Variants in ZGRF1 observed in about 807,000 individuals in gnomAD.
ZGRF1 encodes zinc finger GRF-type containing 1, also known as 5'-3' DNA helicase ZGRF1.
A neutral mutation model predicts 203.5 loss-of-function variants in ZGRF1; 196 were observed. The observed-to-expected ratio is 0.96, with a 90% CI of 0.86 to 1.08. The LOEUF is 1.08. Ranked by LOEUF, ZGRF1 falls within the 50% of genes least tolerant of loss-of-function variation. The probability of loss-of-function intolerance (pLI) is 0.00; values close to 1 mark genes in which losing one functional copy is unlikely to be tolerated. For synonymous variants in ZGRF1, 809 were observed against 841.3 expected, an observed-to-expected ratio of 0.96 and a Z score of 0.66; for missense variants, 2,326 against 2,416.3, an observed-to-expected ratio of 0.96 and a Z score of 0.78.
chr4:112,571,023 G>A (rs950416962), intron 16 of ZGRF1, among the ~76,000 whole-genome samples: 1 of 151,072 alleles, frequency 6.6e-6, no homozygotes, highest in Non-Finnish European at 1.5e-5. Context: ...AGAATCACTT[G>A]AACCCAGGAG....
rs761310972 is a variant in ZGRF1 at position 112,560,916 on chromosome 4, T to C, written c.4777A>G (p.Lys1593Glu). 5.6e-6 allele frequency: 9 copies of C among 1,613,242 alleles called. No homozygotes were observed. The highest frequency in any genetic ancestry group is 7.6e-6 in the Non-Finnish European group (9 of 1,179,510). Residue 1593 changes from lysine (K) to glutamate (E), a missense_variant, in exon 19 of 28, where the codon AAA becomes GAA. Lys to Glu is a moderately conservative substitution (Grantham distance 56). Transcript: ENST00000505019. ...GCTCCTAGGCTGAGTAGTTCAAATT[T>C]TGTACTGACATTTGTGAAGGCTGGT... Reference protein sequence around the residue: ...IPPAFTNVSTKFELLSLGATL... With the variant: ...IPPAFTNVSTEFELLSLGATL...
At chr4:112,571,426 A>C (rs190146401) in intron 16 of ZGRF1, among the ~76,000 whole-genome samples, 2 of 152,358 alleles carry the variant, frequency 1.3e-5, no homozygotes, top group East Asian at 3.9e-4. Context: ...GTATCAGAGA[A>C]TATGAATAAA....
chr4:112,586,422 C>T (rs756553069), intron 13 of ZGRF1, 23 bp downstream of exon 13: 2 of 1,558,954 alleles, frequency 1.3e-6, no homozygotes, highest in Non-Finnish European at 1.7e-6. Context: ...AATCATGATA[C>T]AATAAAAACA....
At chr4:112,578,731 A>T (rs1745681762) in intron 16 of ZGRF1, among the ~76,000 whole-genome samples, 1 of 123,262 alleles carries the variant, frequency 8.1e-6, no homozygotes, top group Non-Finnish European at 1.8e-5. Flanking sequence ...GAAGAAGTTG[A>T]ATCTCTGAAT....
chr4:112,622,571 A>G (rs1238234772), intron 4 of ZGRF1, among the ~76,000 whole-genome samples: 1 of 150,724 alleles, frequency 6.6e-6, no homozygotes, highest in East Asian at 1.9e-4. Flanking sequence ...ACTGCTAGGC[A>G]CTTTACAGAA....
intron 10 of ZGRF1, among the ~76,000 whole-genome samples, chr4:112,600,206 A>AT (rs1240625384): frequency 2.0e-5 from 3 of 151,702 alleles, no homozygotes; most frequent in African/African-American, 7.3e-5. Flanking sequence ...TAATTTTTAA[A>AT]TTTTTTTTGT....
intron 10 of ZGRF1, among the ~76,000 whole-genome samples, chr4:112,590,223 C>T (rs1239663056): frequency 6.6e-6 from 1 of 152,138 alleles, no homozygotes; most frequent in Admixed American, 6.5e-5. Flanking sequence ...CTGTGAAGGT[C>T]TAAATCCCTG....
At chr4:112,576,823 G>C (rs1334850276) in intron 16 of ZGRF1, among the ~76,000 whole-genome samples, 1 of 152,060 alleles carries the variant, frequency 6.6e-6, no homozygotes, top group Non-Finnish European at 1.5e-5. Flanking sequence ...GAAAGTGACA[G>C]GGAGAATGGA....
intron 10 of ZGRF1, among the ~76,000 whole-genome samples, chr4:112,598,403 G>A (rs1185997630): frequency 7.2e-5 from 11 of 152,060 alleles, no homozygotes; most frequent in Non-Finnish European, 1.6e-4. Flanking sequence ...TGTAATCATA[G>A]TATACCAATT....
chr4:112,620,088 C>G lies in ZGRF1; in HGVS notation c.265G>C (p.Glu89Gln). ...IGIVKQNVNK[E>Q]APELNSRTFI... ...GTCCTTGAATTTAACTCTGGTGCTT[C>G]TTTATTGACATTCTGCTTAACAATA... Residue 89 changes from glutamate to glutamine, a missense_variant, in exon 5 of 28, where the codon GAA (glutamate) becomes CAA (glutamine). Physicochemically the swap from Glu to Gln is conservative, Grantham distance 29. Transcript: ENST00000505019. 1 of 1,613,450 alleles carries G rather than the reference C, an allele frequency of 6.2e-7. No individual in the cohort carries two copies.
At position 112,540,921 on chromosome 4, in the gene ZGRF1, T is replaced by G. The variant is rs774699559; in HGVS notation, c.5810A>C (p.Glu1937Ala). 6.3e-7 allele frequency: 1 copy of G among 1,577,302 alleles called. No homozygotes were observed. Among genetic ancestry groups the G allele is most frequent in the Non-Finnish European group, 8.6e-7 (1 of 1,159,672 alleles). Residue 1937 changes from glutamate to alanine, a missense_variant, in exon 26 of 28, where the codon GAA becomes GCA. Coordinates refer to ENST00000505019, the MANE Select transcript of ZGRF1 (RefSeq NM_018392.5). ...ERDNSFHNVA[E>A]ATFTLKLIQS... is the part of the protein sequence containing the mutation. ...AATCAGCTTGAGTGTAAACGTAGCT[T>G]CTGCCACATTATGAAAGCTGTTATC...
intron 16 of ZGRF1, among the ~76,000 whole-genome samples, chr4:112,572,309 C>T (rs923331640): frequency 6.6e-6 from 1 of 152,116 alleles, no homozygotes; most frequent in African/African-American, 2.4e-5. Flanking sequence ...AGAAAAAACA[C>T]CCTATTCAAC....
chr4:112,554,545 T>C (rs1740597613), intron 21 of ZGRF1, among the ~76,000 whole-genome samples, 160 bp downstream of exon 21: 1 of 152,168 alleles, frequency 6.6e-6, no homozygotes, highest in Non-Finnish European at 1.5e-5. Flanking sequence ...TGGATGAAGC[T>C]GGAAACCATC....
In ZGRF1 at chr4:112,618,324, T is replaced by C; in HGVS notation, c.1718A>G (p.Gln573Arg). 1 of 1,613,908 alleles carries C rather than the reference T, an allele frequency of 6.2e-7. No homozygotes were observed. Among genetic ancestry groups the C allele is most frequent in the South Asian group, 1.1e-5 (1 of 91,042 alleles). ...ILVNDGNSCF[Q>R]KRSENTNCEE... ...ACAGTTTGTATTCTCAGACCTCTTTTGAAAACATGAATTGCCATCATTAAC... is the reference window on the plus strand; with the variant it reads ...ACAGTTTGTATTCTCAGACCTCTTTCGAAAACATGAATTGCCATCATTAAC... The change falls in exon 6 of 28, where the codon CAA becomes CGA. Residue 573 changes from glutamine (Q) to arginine (R), a missense_variant. Coordinates refer to ENST00000505019, the MANE Select transcript of ZGRF1 (RefSeq NM_018392.5).
chr4:112,628,513 C>T, intron 3 of ZGRF1: 3 of 446,504 alleles, frequency 6.7e-6, no homozygotes, highest in Non-Finnish European at 1.4e-5. Context: ...ATAACTTTGA[C>T]AGAATTTAGA....
In ZGRF1 at chr4:112,553,979, CA is replaced by C; in HGVS notation, c.5201del (p.Leu1734CysfsTer12). 1.2e-6 allele frequency: 2 copies of C among 1,605,588 alleles called. No individual in the cohort carries two copies. Among genetic ancestry groups the C allele is most frequent in the Non-Finnish European group, 1.7e-6 (2 of 1,177,682 alleles). The stretch of plus-strand genomic sequence containing the variant: ...CACTTTCATTTTCTGAGCCAGCATG[CA>C]AGCTAAAGAATTATATTAAAACACT... ...KIAKPILPYS[L>X]HAGSENESEQ... On this transcript the variant is annotated frameshift_variant and splice_region_variant, in exon 22 of 28. Transcript: ENST00000505019. LOFTEE classifies it high-confidence loss of function.
chr4:112,613,712 A>G (rs2046772427), intron 6 of ZGRF1, among the ~76,000 whole-genome samples: 1 of 152,246 alleles, frequency 6.6e-6, no homozygotes, highest in African/African-American at 2.4e-5. Flanking sequence ...GCAAGCCTGC[A>G]GAATGCAAAG....
At chr4:112,630,747 C>A (rs1405133857) in intron 3 of ZGRF1, among the ~76,000 whole-genome samples, 1 of 151,856 alleles carries the variant, frequency 6.6e-6, no homozygotes, top group Non-Finnish European at 1.5e-5. Flanking sequence ...AAAAATTAGC[C>A]GGGCGTGGTG....
chr4:112,619,122 C>T lies in ZGRF1; in HGVS notation c.920G>A (p.Ser307Asn), dbSNP rs1180295581. The change falls in exon 6 of 28, where the codon AGC becomes AAC. Residue 307 changes from serine to asparagine, a missense_variant. Ser to Asn is a conservative substitution (Grantham distance 46, BLOSUM62 1). Transcript: ENST00000505019. ...ATGCTGGTAGTATAAATTTTCTGTG[C>T]TCTTCATCTCAGCACACTCTTCCTG... ...IQQEECAEMK[S>N]TENLYYQHQS... The T allele has an allele frequency of 6.2e-7, 1 of 1,613,814 alleles. No homozygotes were observed. The highest frequency in any genetic ancestry group is 2.2e-5 in the East Asian group (1 of 44,858).
Sources: allele counts gnomAD v4.1 joint callset (sites outside exome capture counted in the v4.1 genomes callset), GRCh38; gene constraint gnomAD v4.1.1; transcripts MANE v1.5; gene names NCBI Gene and HGNC (gene_info 2026-07-23, HGNC 2026-07-21).